The following ADGRL2 variants were observed in gnomAD, a reference collection of about 807,000 sequenced individuals.
ADGRL2 encodes the protein adhesion G protein-coupled receptor L2, also known as calcium-independent alpha-latrotoxin receptor 2.
A neutral mutation model predicts 157.4 loss-of-function variants in ADGRL2; 44 were observed. The observed-to-expected ratio is 0.28, with a 90% CI of 0.22 to 0.36. ADGRL2 has a LOEUF of 0.36. Among genes scored for constraint, ADGRL2 ranks in the 10% least tolerant of loss-of-function variants. The probability of loss-of-function intolerance (pLI) is 1.00; values close to 1 mark genes in which losing one functional copy is unlikely to be tolerated. For synonymous variants in ADGRL2, 585 were observed against 624.7 expected (o/e 0.94, Z 0.95); for missense variants, 1,510 against 1,768.9 (o/e 0.85, Z 2.63).
intron 1 of ADGRL2, among the ~76,000 whole-genome samples, chr1:81,411,728 C>A (rs1194433687): frequency 6.6e-6 from 1 of 151,924 alleles, no homozygotes; most frequent in Non-Finnish European, 1.5e-5. Context: ...GAAATACAAA[C>A]AATTAGCTGG....
chr1:81,949,169 G>A (rs1335587200), intron 6 of ADGRL2, among the ~76,000 whole-genome samples: 1 of 152,096 alleles, frequency 6.6e-6, no homozygotes, highest in Non-Finnish European at 1.5e-5. Context: ...TATATGTAAG[G>A]TTTTAAGAGC....
chr1:81,957,184 T>TTA lies in ADGRL2; in HGVS notation c.2017+1124_2017+1125insTA, dbSNP rs370326376. On this transcript the variant is annotated intron_variant, in intron 11 of 23. Transcript: ENST00000686636. The stretch of plus-strand genomic sequence containing the variant: ...GTTTTCTAAATATTCTGAAAATTAT[T>TTA]AAAAAAAAAAAACCACTAAAATTCC... 3.6e-3 allele frequency among the ~76,000 whole-genome samples: 529 copies of TTA among 147,254 alleles called. 9 individuals are homozygous for TTA. Among genetic ancestry groups the TTA allele is most frequent in the Admixed American group, 0.033 (484 of 14,776 alleles).
intron 1 of ADGRL2, among the ~76,000 whole-genome samples, chr1:81,730,750 G>T (rs1376166659): frequency 6.6e-6 from 1 of 151,814 alleles, no homozygotes; most frequent in African/African-American, 2.4e-5. Context: ...ATAGTCCTCA[G>T]TGCTTCAAAC....
chr1:81,555,915 CAG>C (rs1287561686), intron 2 of ADGRL2, among the ~76,000 whole-genome samples: 1 of 152,096 alleles, frequency 6.6e-6, no homozygotes, highest in Non-Finnish European at 1.5e-5. Context: ...CTACTGAAAA[CAG>C]TGTCTGCCCC....
chr1:81,323,905 A>G lies in ADGRL2; in HGVS notation c.-302+17396A>G, dbSNP rs558787369. Among the ~76,000 whole-genome samples, 22 of 152,328 alleles carry G rather than the reference A, an allele frequency of 1.4e-4. No homozygotes were observed. The South Asian group carries it at 4.1e-3, about 29-fold the overall frequency. ...AGAGGACAGAAAAGAGGAGCATCGC[A>G]AAGAATCAAGAGAGAATGTTGTGAG... On this transcript the variant is annotated intron_variant, in intron 1 of 24. Coordinates refer to the ADGRL2 transcript ENST00000370721.
upstream of ADGRL2, among the ~76,000 whole-genome samples, chr1:81,799,198 G>A (rs1200885135): frequency 1.3e-5 from 2 of 152,138 alleles, no homozygotes; most frequent in African/African-American, 2.4e-5. Context: ...TACGTTATAA[G>A]GTTTTGCACC....
intron 3 of ADGRL2, among the ~76,000 whole-genome samples, chr1:81,594,357 T>C (rs1373660379): frequency 6.6e-6 from 1 of 152,224 alleles, no homozygotes; most frequent in African/African-American, 2.4e-5. Flanking sequence ...TTTAGTTCAC[T>C]GAAGAATTCA....
intron 1 of ADGRL2, among the ~76,000 whole-genome samples, chr1:81,413,559 T>A (rs550686048): frequency 6.6e-6 from 1 of 152,288 alleles, no homozygotes; most frequent in Admixed American, 6.5e-5. Flanking sequence ...CATTGCTCCA[T>A]GAAAGATGTG....
intron 3 of ADGRL2, among the ~76,000 whole-genome samples, chr1:81,926,263 A>T (rs2095103907): frequency 6.6e-6 from 1 of 152,044 alleles, no homozygotes; most frequent in Non-Finnish European, 1.5e-5. Context: ...TCATATCACA[A>T]CAAGACTAAT....
At chr1:81,399,923 C>T (rs1389644737) in intron 1 of ADGRL2, among the ~76,000 whole-genome samples, 1 of 151,914 alleles carries the variant, frequency 6.6e-6, no homozygotes, top group East Asian at 2.0e-4. Context: ...TTCTTCCACA[C>T]TTTCTACAGC....
At chr1:81,470,801 G>T (rs2078155798) in intron 2 of ADGRL2, among the ~76,000 whole-genome samples, 1 of 152,150 alleles carries the variant, frequency 6.6e-6, no homozygotes, top group East Asian at 1.9e-4. Flanking sequence ...AATTTCAGTT[G>T]TCACATAGTG....
At chr1:81,790,312 G>A (rs1228099881) in intron 2 of ADGRL2, among the ~76,000 whole-genome samples, 1 of 151,780 alleles carries the variant, frequency 6.6e-6, no homozygotes, top group African/African-American at 2.4e-5. Flanking sequence ...AGGATGATTA[G>A]TAGTACTAGA....
chr1:81,842,779 G>A (rs1039092850), intron 2 of ADGRL2, among the ~76,000 whole-genome samples: 1 of 152,060 alleles, frequency 6.6e-6, no homozygotes, highest in Non-Finnish European at 1.5e-5. Flanking sequence ...TAAAACTCTT[G>A]TTTCAATTTG....
chr1:81,391,810 A>G (rs541548582), intron 1 of ADGRL2, among the ~76,000 whole-genome samples: 39 of 152,324 alleles, frequency 2.6e-4, no homozygotes, highest in Middle Eastern at 6.8e-3. Flanking sequence ...AATGGAGGCT[A>G]TCTAGGCACA....
intron 6 of ADGRL2, among the ~76,000 whole-genome samples, chr1:81,947,875 T>C (rs907052362): frequency 6.6e-6 from 1 of 152,174 alleles, no homozygotes; most frequent in Non-Finnish European, 1.5e-5. Context: ...ATTTCACTGA[T>C]TTATTTTTGA....
At chr1:81,518,045 T>C (rs2079220911) in intron 2 of ADGRL2, among the ~76,000 whole-genome samples, 1 of 152,246 alleles carries the variant, frequency 6.6e-6, no homozygotes, top group East Asian at 1.9e-4. Context: ...ATTGATTAAA[T>C]TCCCTTAAAG....
chr1:81,502,905 C>A (rs1035214536), intron 2 of ADGRL2: 1 of 1,613,328 alleles, frequency 6.2e-7, no homozygotes, highest in Non-Finnish European at 8.5e-7. Flanking sequence ...GCAGTGGCAC[C>A]AATACCAGTA....
At chr1:81,814,672 A>AT (rs2090207978) in intron 1 of ADGRL2, among the ~76,000 whole-genome samples, 1 of 151,466 alleles carries the variant, frequency 6.6e-6, no homozygotes, top group Admixed American at 6.6e-5. Flanking sequence ...TATTAGTGTC[A>AT]TTTTGCCTGT....
At chr1:81,794,154 T>C (rs897673023) in intron 2 of ADGRL2, among the ~76,000 whole-genome samples, 1 of 152,200 alleles carries the variant, frequency 6.6e-6, no homozygotes, top group Admixed American at 6.5e-5. Context: ...AGATAATAAA[T>C]AAGAAATTAG....
Sources: allele counts gnomAD v4.1 joint callset (sites outside exome capture counted in the v4.1 genomes callset), GRCh38; gene constraint gnomAD v4.1.1; transcripts MANE v1.5; gene names NCBI Gene and HGNC (gene_info 2026-07-23, HGNC 2026-07-21).